The following SPATS2 variants were observed in gnomAD, a reference collection of about 807,000 sequenced individuals.
SPATS2 encodes the protein spermatogenesis associated serine rich 2.
Under a neutral mutation model 63.7 loss-of-function variants are expected in SPATS2, and 38 were observed. The ratio of observed to expected loss-of-function variants is 0.60; its 90% confidence interval spans 0.46 to 0.78. The LOEUF (loss-of-function observed/expected upper bound fraction) is 0.78, where lower values mean the gene tolerates loss of function less well. SPATS2 is among the 30% of genes least tolerant of loss of function. The pLI, the probability that SPATS2 is intolerant of heterozygous loss-of-function variation, is 0.00. For missense variants in SPATS2, 588 were observed against 666.2 expected, an observed-to-expected ratio of 0.88 and a Z score of 1.29; for synonymous variants, 207 against 232.9, an observed-to-expected ratio of 0.89 and a Z score of 1.01.
intron 2 of SPATS2, among the ~76,000 whole-genome samples, chr12:49,424,929 G>A (rs1001053598): frequency 6.6e-6 from 1 of 152,088 alleles, no homozygotes; most frequent in Non-Finnish European, 1.5e-5. Context: ...ATCCACTCCC[G>A]CTTGGCCTCC....
intron 3 of SPATS2, among the ~76,000 whole-genome samples, chr12:49,472,629 A>AT (rs1185077569): frequency 4.8e-5 from 7 of 147,114 alleles, no homozygotes; most frequent in Middle Eastern, 3.6e-3. Flanking sequence ...ATATATATAT[A>AT]AAATATTATA....
chr12:49,412,808 T>G (rs536346896), intron 2 of SPATS2, among the ~76,000 whole-genome samples: 30 of 152,212 alleles, frequency 2.0e-4, no homozygotes, highest in African/African-American at 7.2e-4. Flanking sequence ...TAAAGTTAGA[T>G]TCAAATAATA....
At chr12:49,446,431 C>T (rs1945512549) in intron 2 of SPATS2, among the ~76,000 whole-genome samples, 1 of 152,166 alleles carries the variant, frequency 6.6e-6, no homozygotes, top group Admixed American at 6.5e-5. Flanking sequence ...TCAGGAAGCT[C>T]TAGTGAAGCA....
At chr12:49,519,701 C>A (rs370842790) in intron 11 of SPATS2, among the ~76,000 whole-genome samples, 46 of 152,244 alleles carry the variant, frequency 3.0e-4, no homozygotes, top group African/African-American at 1.1e-3. Flanking sequence ...TCATACCATC[C>A]CCCCGGTCCT....
intron 6 of SPATS2, among the ~76,000 whole-genome samples, chr12:49,491,846 C>T (rs969081575): frequency 6.6e-6 from 1 of 152,220 alleles, no homozygotes; most frequent in Non-Finnish European, 1.5e-5. Flanking sequence ...CAAAATTCTT[C>T]CCACAGCTCT....
At chr12:49,405,702 G>A (rs1419714108) in intron 2 of SPATS2, among the ~76,000 whole-genome samples, 4 of 152,134 alleles carry the variant, frequency 2.6e-5, no homozygotes, top group Non-Finnish European at 5.9e-5. Flanking sequence ...GCGACAGAGC[G>A]AGACTGTCTC....
At chr12:49,381,214 C>G (rs976785070) in intron 2 of SPATS2, among the ~76,000 whole-genome samples, 1 of 152,056 alleles carries the variant, frequency 6.6e-6, no homozygotes, top group Non-Finnish European at 1.5e-5. Flanking sequence ...TCTATTAAGT[C>G]CTTTGCCCAA....
In SPATS2 at chr12:49,503,648, CAAAAAAA is replaced by C. The variant is rs147728331; in HGVS notation, c.839+3449_839+3455del. Among the ~76,000 whole-genome samples, 31 of 139,300 alleles carry C rather than the reference CAAAAAAA, an allele frequency of 2.2e-4. 1 individual carries two copies. The highest frequency in any genetic ancestry group is 4.6e-4 in the Non-Finnish European group (29 of 63,638). 91.4% of individuals were successfully genotyped at this position (139,300 alleles called of 152,430 possible). A position where few individuals can be genotyped will look rare whatever the true frequency, so the allele number is the denominator to read the frequency against. On this transcript the variant is annotated intron_variant, in intron 9 of 13. Transcript: ENST00000552918. ...TGGGCGACAGAGCAAGACTCCATCT[CAAAAAAA>C]AAAAAGAAAAAAGAAAGAGCTAAGT...
chr12:49,414,934 TCTTTTC>T (rs1565710331), intron 2 of SPATS2, among the ~76,000 whole-genome samples: 6 of 143,686 alleles, frequency 4.2e-5, no homozygotes, highest in African/African-American at 1.6e-4. Context: ...TTTTTCTTTT[TCTTTTC>T]TTTTTTTTTT....
intron 2 of SPATS2, among the ~76,000 whole-genome samples, chr12:49,435,328 C>CTACTGAATGGTTT (rs1945256512): frequency 6.7e-6 from 1 of 150,368 alleles, no homozygotes; most frequent in Non-Finnish European, 1.5e-5. Context: ...CTGTGCCTGG[C>CTACTGAATGGTTT]CTTTTTTTTT....
At chr12:49,389,064 C>A (rs1477050249) in intron 2 of SPATS2, among the ~76,000 whole-genome samples, 1 of 152,044 alleles carries the variant, frequency 6.6e-6, no homozygotes. Flanking sequence ...CATTCTATTT[C>A]TCTGTTTAGT....
At chr12:49,409,213 T>C (rs1944751617) in intron 2 of SPATS2, among the ~76,000 whole-genome samples, 1 of 152,208 alleles carries the variant, frequency 6.6e-6, no homozygotes, top group Non-Finnish European at 1.5e-5. Context: ...CCAAATCTTA[T>C]CTTTTTAAAA....
chr12:49,417,156 C>G (rs776862091), intron 2 of SPATS2, among the ~76,000 whole-genome samples: 10 of 152,124 alleles, frequency 6.6e-5, no homozygotes, highest in Non-Finnish European at 1.3e-4. Context: ...CTCTCTTTTC[C>G]TTTTGTATCA....
chr12:49,472,631 AATATT>A (rs1052196063), intron 3 of SPATS2, among the ~76,000 whole-genome samples: 2 of 147,730 alleles, frequency 1.4e-5, no homozygotes, highest in East Asian at 1.9e-4. Context: ...ATATATATAA[AATATT>A]ATATTATATT....
intron 10 of SPATS2, among the ~76,000 whole-genome samples, chr12:49,516,166 AATATATATATAT>A (rs869230532): frequency 0.043 from 1,300 of 30,196 alleles, 13 homozygotes; most frequent in South Asian, 0.059. Flanking sequence ...AAAAAAAAAA[AATATATATATAT>A]ATATATATAT....
chr12:49,432,888 A>G (rs1417085963), intron 2 of SPATS2, among the ~76,000 whole-genome samples: 1 of 152,212 alleles, frequency 6.6e-6, no homozygotes, highest in East Asian at 1.9e-4. Flanking sequence ...GTACACAAAT[A>G]TCTCTTTGAT....
chr12:49,419,535 GAT>G (rs1944944147), intron 2 of SPATS2, among the ~76,000 whole-genome samples: 1 of 152,216 alleles, frequency 6.6e-6, no homozygotes, highest in Admixed American at 6.5e-5. Context: ...TGGTATTAGA[GAT>G]ATTTTTAAAT....
Position 49,498,140 on chromosome 12 carries a change from A to AT in SPATS2, c.703+1131_703+1132insT, listed in dbSNP as rs1206539648. On this transcript the variant is annotated intron_variant, in intron 8 of 13. Transcript: ENST00000552918. ...AGACTATCCAATCAAGCCAAAAAAAAAAAAAATATATATATATATATATAT... is the reference window on the plus strand; with the variant it reads ...AGACTATCCAATCAAGCCAAAAAAAATAAAAAATATATATATATATATATAT... 6.0e-3 allele frequency among the ~76,000 whole-genome samples: 702 copies of AT among 116,662 alleles called. 3 individuals are homozygous for AT. The highest frequency in any genetic ancestry group is 7.8e-3 in the Middle Eastern group (2 of 258). 76.5% of individuals were successfully genotyped at this position (116,662 alleles called of 152,430 possible).
chr12:49,432,892 CTT>C (rs1945210568), intron 2 of SPATS2, among the ~76,000 whole-genome samples: 1 of 152,186 alleles, frequency 6.6e-6, no homozygotes, highest in African/African-American at 2.4e-5. Context: ...ACAAATATCT[CTT>C]TGATATTCAG....
Sources: gnomAD v4.1 joint callset for allele counts (sites outside exome capture counted in the v4.1 genomes callset) on GRCh38, gnomAD v4.1.1 for gene constraint, MANE v1.5 for transcripts, NCBI Gene and HGNC (gene_info 2026-07-23, HGNC 2026-07-21) for gene names.